TUSC3: variants seen among roughly 807,000 people sequenced by gnomAD.
The protein encoded by TUSC3 is dolichyl-diphosphooligosaccharide--protein glycosyltransferase subunit TUSC3.
Under a neutral mutation model 44.8 loss-of-function variants are expected in TUSC3, and 45 were observed. The ratio of observed to expected loss-of-function variants is 1.00; its 90% confidence interval spans 0.79 to 1.29. The LOEUF is 1.29. Among genes scored for constraint, TUSC3 ranks in the 50% most tolerant of loss-of-function variants. TUSC3 has a pLI of 0.00. For synonymous variants in TUSC3, 212 were observed against 152.9 expected (o/e 1.39, Z -2.85); for missense variants, 519 against 437.9 (o/e 1.19, Z -1.65).
At chr8:15,495,809 T>C (rs778065348) in intron 2 of TUSC3, among the ~76,000 whole-genome samples, 3 of 152,156 alleles carry the variant, frequency 2.0e-5, no homozygotes, top group Admixed American at 6.5e-5. Context: ...TTGGAGAAAT[T>C]GCACTCAGAC....
At chr8:15,661,415 G>C (rs1251387393) in intron 4 of TUSC3, among the ~76,000 whole-genome samples, 1 of 151,848 alleles carries the variant, frequency 6.6e-6, no homozygotes, top group Non-Finnish European at 1.5e-5. Context: ...ATAGTCCTTT[G>C]CTACTTTTTA....
downstream of TUSC3, among the ~76,000 whole-genome samples, chr8:15,768,794 A>G (rs775784682): frequency 2.0e-5 from 3 of 151,858 alleles, no homozygotes; most frequent in Non-Finnish European, 4.4e-5. Context: ...CTATATCCCA[A>G]TAACAGCCAA....
intron 2 of TUSC3, among the ~76,000 whole-genome samples, chr8:15,483,809 C>G (rs371695529): frequency 7.2e-5 from 11 of 151,932 alleles, no homozygotes; most frequent in African/African-American, 2.7e-4. Flanking sequence ...GCGCCAGCCA[C>G]AATGCCCGGC....
intron 1 of TUSC3, among the ~76,000 whole-genome samples, chr8:15,474,471 C>A (rs142465330): frequency 6.6e-6 from 1 of 152,108 alleles, no homozygotes; most frequent in East Asian, 1.9e-4. Context: ...TGCTGCAGCT[C>A]CAGTTGGTCC....
the TUSC3 span, among the ~76,000 whole-genome samples, chr8:15,849,191 C>G: frequency 2.9e-3 from 440 of 152,212 alleles, 4 homozygotes; most frequent in Non-Finnish European, 4.9e-3. Context: ...GTAACGTATT[C>G]CACTTCGTGA....
In TUSC3 at chr8:15,758,317, C is replaced by T. The variant is rs886211361; in HGVS notation, c.*46+462C>T. On this transcript the variant is annotated intron_variant, in intron 10 of 10. Coordinates refer to ENST00000503731, the MANE Select transcript of TUSC3 (RefSeq NM_006765.4). ...AAAACTTTTTTAAAATCAACATTTG[C>T]TAAATTCAGAAACAGATAGTAGGTA... The T allele has an allele frequency of 2.5e-5, 23 of 925,026 alleles. No individual in the cohort carries two copies. The African/African-American group carries it at 3.6e-4, about 14-fold the overall frequency. 57.3% of individuals were successfully genotyped at this position (925,026 alleles called of 1,614,324 possible).
rs375450500 is a variant in TUSC3, at chr8:15,672,070, A to G, written c.709-1677A>G. ...TGTTTTAGAGATTGACTGGGTTGAC[A>G]TAGCATGAACAAGATGTGGATGCAG... On this transcript the variant is annotated intron_variant, in intron 5 of 10. Transcript: ENST00000503731. 3.3e-5 allele frequency among the ~76,000 whole-genome samples: 5 copies of G among 152,178 alleles called. No homozygotes were observed. In the East Asian group the frequency reaches 9.7e-4, roughly 30 times the overall value.
At chr8:15,666,854 C>T (rs1807685809) in intron 5 of TUSC3, among the ~76,000 whole-genome samples, 1 of 150,978 alleles carries the variant, frequency 6.6e-6, no homozygotes, top group Non-Finnish European at 1.5e-5. Context: ...CTATGTATAG[C>T]CATTTGTGTA....
At chr8:15,702,971 CTAAT>C (rs1203648574) in intron 6 of TUSC3, among the ~76,000 whole-genome samples, 1 of 152,012 alleles carries the variant, frequency 6.6e-6, no homozygotes, top group Non-Finnish European at 1.5e-5. Context: ...TCCCAGTTTA[CTAAT>C]TAAACAAACA....
rs183082329 is a variant in TUSC3, at chr8:15,511,975, C to G, written n.189+28492C>G. Among the ~76,000 whole-genome samples, 551 of 152,236 alleles carry G rather than the reference C, an allele frequency of 3.6e-3. 1 individual carries two copies. Among genetic ancestry groups the G allele is most frequent in the Non-Finnish European group, 5.3e-3 (362 of 68,018 alleles). On this transcript the variant is annotated intron_variant and non_coding_transcript_variant, in intron 2 of 5. Coordinates refer to the TUSC3 transcript ENST00000503191. ...TCTATAGATTCAATACAATCCCCAT[C>G]CAAGTTCCAGTAAGCGTGTTTAGAA... is the stretch of plus-strand genomic sequence containing the variant.
At chr8:15,433,154 A>AT (rs1364748571) in intron 1 of TUSC3, among the ~76,000 whole-genome samples, 2 of 152,030 alleles carry the variant, frequency 1.3e-5, no homozygotes, top group Non-Finnish European at 2.9e-5. Context: ...TTTTATTATA[A>AT]TTTTTTAAAG....
At chr8:15,627,082 A>G (rs903255850) in intron 2 of TUSC3, among the ~76,000 whole-genome samples, 1 of 152,228 alleles carries the variant, frequency 6.6e-6, no homozygotes, top group African/African-American at 2.4e-5. Context: ...TCTGGCCCAT[A>G]AAAACCTCAG....
chr8:15,637,193 C>T (rs1314438513), intron 2 of TUSC3, among the ~76,000 whole-genome samples: 3 of 152,128 alleles, frequency 2.0e-5, no homozygotes, highest in African/African-American at 7.2e-5. Context: ...GACTCTAATT[C>T]TCCATATGTT....
rs184231915 is a variant in TUSC3 at position 15,493,589 on chromosome 8, A to G, written n.189+10106A>G. 2.5e-3 allele frequency among the ~76,000 whole-genome samples: 374 copies of G among 152,272 alleles called. 4 individuals carry two copies. Among genetic ancestry groups the G allele is most frequent in the African/African-American group, 8.5e-3 (352 of 41,524 alleles). On this transcript the variant is annotated intron_variant and non_coding_transcript_variant, in intron 2 of 5. Transcript: ENST00000503191. The stretch of plus-strand genomic sequence containing the variant: ...AGATATCAACTTAATAAAAAGAATT[A>G]GCAAATATTTGCCAAACATTTGGTA...
At chr8:15,436,450 G>A (rs1799946508) in intron 1 of TUSC3, among the ~76,000 whole-genome samples, 1 of 152,162 alleles carries the variant, frequency 6.6e-6, no homozygotes, top group Non-Finnish European at 1.5e-5. Flanking sequence ...CCTCCGCTTT[G>A]CTGTTTTGTT....
chr8:15,831,262 A>G, the TUSC3 span, among the ~76,000 whole-genome samples: 53 of 152,340 alleles, frequency 3.5e-4, no homozygotes, highest in Admixed American at 4.6e-4. Context: ...CAAACCCTGA[A>G]GGTCAACAAA....
At chr8:15,701,615 GC>G (rs370799311) in intron 6 of TUSC3, among the ~76,000 whole-genome samples, 15 of 152,212 alleles carry the variant, frequency 9.9e-5, no homozygotes, top group East Asian at 9.7e-4. Flanking sequence ...ATAAAACAAA[GC>G]CAAATGTATT....
At chr8:15,571,517 T>G (rs1802877830) in intron 1 of TUSC3, among the ~76,000 whole-genome samples, 1 of 152,198 alleles carries the variant, frequency 6.6e-6, no homozygotes, top group Non-Finnish European at 1.5e-5. Context: ...TATGATCTTC[T>G]GAGCCTTCAG....
At chr8:15,671,616 C>T (rs1290386119) in intron 5 of TUSC3, among the ~76,000 whole-genome samples, 1 of 151,898 alleles carries the variant, frequency 6.6e-6, no homozygotes, top group Non-Finnish European at 1.5e-5. Context: ...TAAACCATTT[C>T]CTGGAATCTT....
Sources: gnomAD v4.1 joint callset for allele counts (sites outside exome capture counted in the v4.1 genomes callset) on GRCh38, gnomAD v4.1.1 for gene constraint, MANE v1.5 for transcripts, NCBI Gene and HGNC (gene_info 2026-07-23, HGNC 2026-07-21) for gene names.